NUDC: variants seen among roughly 807,000 people sequenced by gnomAD.
NUDC encodes nuclear migration protein nudC.
NUDC carries 14 observed loss-of-function variants against 45.0 expected under a neutral mutation model. That is an observed-to-expected ratio of 0.31 (90% CI 0.21 to 0.49). NUDC has a LOEUF of 0.49. Among genes scored for constraint, NUDC ranks in the 20% least tolerant of loss-of-function variants. The pLI, the probability that NUDC is intolerant of heterozygous loss-of-function variation, is 0.99. For synonymous variants in NUDC, 153 were observed against 156.7 expected, an observed-to-expected ratio of 0.98 and a Z score of 0.17; for missense variants, 323 against 426.2, an observed-to-expected ratio of 0.76 and a Z score of 2.13.
At chr1:26,906,710 G>C (rs964332995) in intron 2 of NUDC, among the ~76,000 whole-genome samples, 11 of 151,970 alleles carry the variant, frequency 7.2e-5, no homozygotes, top group African/African-American at 2.4e-4. Flanking sequence ...TTGGCCGGGC[G>C]TGGTGGCGGG....
chr1:26,907,601 C>A lies in NUDC; in HGVS notation c.-15-3527C>A, dbSNP rs945696151. On this transcript the variant is annotated intron_variant, in intron 2 of 6. Coordinates refer to the NUDC transcript ENST00000435827. ...TGGAGTTAATGCGGGACACAGCATG[C>A]GTCAGCTGTCTGACTACTTAATAGG... Among the ~76,000 whole-genome samples, 4 of 151,006 alleles carry A rather than the reference C, an allele frequency of 2.6e-5. No homozygotes were observed. The East Asian group carries it at 7.7e-4, about 29-fold the overall frequency.
chr1:26,902,162 A>G (rs1450002894), intron 1 of NUDC: 2 of 152,172 alleles, frequency 1.3e-5, no homozygotes, highest in Admixed American at 6.6e-5. Context: ...CTGGTTCACC[A>G]ATGACAAAGC....
chr1:26,938,534 T>C (rs1188319996), intron 2 of NUDC, among the ~76,000 whole-genome samples: 3 of 152,164 alleles, frequency 2.0e-5, no homozygotes, highest in Non-Finnish European at 4.4e-5. Flanking sequence ...ACCAGTTTAA[T>C]TTGTGGTTTA....
upstream of NUDC, among the ~76,000 whole-genome samples, chr1:26,917,327 C>T (rs1032310763): frequency 2.6e-5 from 4 of 151,796 alleles, no homozygotes; most frequent in South Asian, 4.2e-4. Flanking sequence ...TTTGGGAGGC[C>T]GAGGCGGATG....
intron 2 of NUDC, among the ~76,000 whole-genome samples, chr1:26,925,651 A>C (rs1481969397): frequency 6.6e-6 from 1 of 150,426 alleles, no homozygotes; most frequent in Non-Finnish European, 1.5e-5. Context: ...TGATTCTGAG[A>C]CCTTGAACTT....
chr1:26,923,374 G>A (rs994667834), intron 1 of NUDC, among the ~76,000 whole-genome samples: 3 of 152,164 alleles, frequency 2.0e-5, no homozygotes, highest in Admixed American at 1.3e-4. Context: ...TACTCAAACC[G>A]TTGGCTACAC....
upstream of NUDC, among the ~76,000 whole-genome samples, chr1:26,919,771 TCA>T (rs1286370083): frequency 6.6e-6 from 1 of 152,196 alleles, no homozygotes; most frequent in Admixed American, 6.5e-5. Context: ...ATCTCTGATA[TCA>T]CCTGATTCAA....
intron 1 of NUDC, among the ~76,000 whole-genome samples, chr1:26,923,677 G>A (rs1018578108): frequency 6.6e-6 from 1 of 152,018 alleles, no homozygotes; most frequent in African/African-American, 2.4e-5. Flanking sequence ...TCACCATGTT[G>A]GCCAGGCTGG....
At chr1:26,900,441 A>G (rs1023435141) in intron 1 of NUDC, 8 of 1,608,058 alleles carry the variant, frequency 5.0e-6, no homozygotes, top group Non-Finnish European at 6.0e-6. Flanking sequence ...GGGCACCGCC[A>G]TCTTGGATTG....
At chr1:26,945,333 G>A in intron 6 of NUDC, 57 bp from the exon 7 acceptor site, 3 of 1,429,658 alleles carry the variant, frequency 2.1e-6, no homozygotes, top group Non-Finnish European at 3.0e-6. Context: ...GGGTTAAGGG[G>A]TGATTCCTGG....
chr1:26,939,681 A>ATCTAGGTGTGATTT lies in NUDC; in HGVS notation c.160-1774_160-1761dup, dbSNP rs1553164157. 3.9e-5 allele frequency among the ~76,000 whole-genome samples: 6 copies of ATCTAGGTGTGATTT among 152,280 alleles called. No individual in the cohort carries two copies. In the South Asian group the frequency reaches 1.2e-3, roughly 32 times the overall value. ...AGGTAAGAGTAGACCAGGAACTCAA[A>ATCTAGGTGTGATTT]TCTAGGTGTGATTTTGAAGTATGCA... is the stretch of plus-strand genomic sequence containing the variant. On this transcript the variant is annotated intron_variant, in intron 2 of 8. Coordinates refer to ENST00000321265, the MANE Select transcript of NUDC (RefSeq NM_006600.4).
chr1:26,921,247 A>T (rs1387787220), upstream of NUDC, among the ~76,000 whole-genome samples: 1 of 152,174 alleles, frequency 6.6e-6, no homozygotes, highest in African/African-American at 2.4e-5. Flanking sequence ...AAGGCCATGA[A>T]ATCAAGCGTG....
chr1:26,905,157 A>ATTTTTTT (rs71007901), intron 2 of NUDC, among the ~76,000 whole-genome samples: 1 of 84,294 alleles, frequency 1.2e-5, no homozygotes, highest in Non-Finnish European at 2.3e-5. Context: ...TATTATTATT[A>ATTTTTTT]TTTTTTTTTT....
upstream of NUDC, among the ~76,000 whole-genome samples, chr1:26,917,255 CT>C (rs2082066350): frequency 6.6e-6 from 1 of 150,450 alleles, no homozygotes; most frequent in South Asian, 2.1e-4. Flanking sequence ...GAGACCTTGT[CT>C]CAAAATAATA....
At chr1:26,917,301 C>A (rs758238367), upstream of NUDC, among the ~76,000 whole-genome samples, 3 of 151,730 alleles carry the variant, frequency 2.0e-5, no homozygotes, top group Admixed American at 2.0e-4. Context: ...GGGGTTCACA[C>A]CTGTAATCCC....
chr1:26,939,773 C>T (rs1020838055), intron 2 of NUDC, among the ~76,000 whole-genome samples: 1 of 152,170 alleles, frequency 6.6e-6, no homozygotes, highest in Non-Finnish European at 1.5e-5. Context: ...ATTTCTGATC[C>T]AGTAGATCTG....
chr1:26,900,509 C>T, intron 1 of NUDC: 2 of 1,348,504 alleles, frequency 1.5e-6, no homozygotes, highest in Non-Finnish European at 2.1e-6. Context: ...GTTCCAGCCC[C>T]TGCGTTGCGA....
At position 26,912,485 on chromosome 1, in the gene NUDC, C is replaced by T. The variant is rs75299081; in HGVS notation, c.93+1250C>T. On this transcript the variant is annotated intron_variant, in intron 3 of 6. Coordinates refer to the NUDC transcript ENST00000435827. ...TTTAAATGAACTAGTATATGTAAAACCCTTAGAATAGGGCCTAACATATGG... is the reference window on the plus strand; with the variant it reads ...TTTAAATGAACTAGTATATGTAAAATCCTTAGAATAGGGCCTAACATATGG... Among the ~76,000 whole-genome samples, 277 of 152,190 alleles carry T rather than the reference C, an allele frequency of 1.8e-3. 6 individuals carry two copies. In the East Asian group the frequency reaches 0.049, roughly 27 times the overall value.
intron 1 of NUDC, chr1:26,900,611 G>C (rs1475538297): frequency 6.4e-6 from 4 of 629,804 alleles, no homozygotes; most frequent in African/African-American, 3.7e-5. Context: ...TTCCCACAGA[G>C]GGAAGCCGGC....
Sources: allele counts gnomAD v4.1 joint callset (sites outside exome capture counted in the v4.1 genomes callset), GRCh38; gene constraint gnomAD v4.1.1; transcripts MANE v1.5; gene names NCBI Gene and HGNC (gene_info 2026-07-23, HGNC 2026-07-21).